Variants in TENM3 observed in about 807,000 individuals in gnomAD.
TENM3 encodes the protein teneurin transmembrane protein 3, also known as teneurin-3.
TENM3 carries 63 observed loss-of-function variants against 255.1 expected under a neutral mutation model. The observed-to-expected ratio is 0.25, with a 90% CI of 0.20 to 0.30. The LOEUF is 0.30. Ranked by LOEUF, TENM3 falls within the 10% of genes least tolerant of loss-of-function variation. The pLI, the probability that TENM3 is intolerant of heterozygous loss-of-function variation, is 1.00. For synonymous variants in TENM3, 1,306 were observed against 1,322.3 expected, an observed-to-expected ratio of 0.99 and a Z score of 0.27; for missense variants, 2,929 against 3,461.1, an observed-to-expected ratio of 0.85 and a Z score of 3.86.
chr4:182,783,461 C>A (rs1191081937), intron 24 of TENM3, among the ~76,000 whole-genome samples: 1 of 152,116 alleles, frequency 6.6e-6, no homozygotes, highest in Admixed American at 6.5e-5. Flanking sequence ...GAGGGTAACT[C>A]GACCTTTCTC....
chr4:182,602,135 T>TA (rs1270646149), intron 4 of TENM3, among the ~76,000 whole-genome samples: 12 of 152,258 alleles, frequency 7.9e-5, no homozygotes, highest in African/African-American at 2.7e-4. Flanking sequence ...TCCTTGTAAT[T>TA]ATGTATTGCA....
At chr4:181,627,425 T>A in the TENM3 span, among the ~76,000 whole-genome samples, 1 of 152,204 alleles carries the variant, frequency 6.6e-6, no homozygotes, top group South Asian at 2.1e-4. Context: ...CATGTTGCTG[T>A]GCTGCACACA....
intron 1 of TENM3, among the ~76,000 whole-genome samples, chr4:182,152,215 AC>A (rs1750399766): frequency 6.6e-6 from 1 of 151,862 alleles, no homozygotes; most frequent in Non-Finnish European, 1.5e-5. Context: ...GCTGAAGAGA[AC>A]CTCTGCCAGG....
At chr4:182,256,038 T>G (rs1758370350) in intron 1 of TENM3, among the ~76,000 whole-genome samples, 2 of 152,296 alleles carry the variant, frequency 1.3e-5, no homozygotes, top group South Asian at 4.1e-4. Flanking sequence ...TATTGCACAC[T>G]CTGGGACTCT....
the TENM3 span, among the ~76,000 whole-genome samples, chr4:182,025,916 G>A: frequency 2.6e-5 from 4 of 152,176 alleles, no homozygotes; most frequent in Admixed American, 2.6e-4. Flanking sequence ...ATGTCAGTTT[G>A]CTGCACCCAT....
chr4:181,983,854 A>C, the TENM3 span, among the ~76,000 whole-genome samples: 1 of 152,088 alleles, frequency 6.6e-6, no homozygotes, highest in Non-Finnish European at 1.5e-5. Flanking sequence ...AAAATCCCAA[A>C]TCTTTGTACT....
the TENM3 span, among the ~76,000 whole-genome samples, chr4:182,049,942 T>C: frequency 6.6e-6 from 1 of 152,046 alleles, no homozygotes; most frequent in East Asian, 1.9e-4. Context: ...GAAGAGAAAT[T>C]GAGTCCTTAA....
rs772575411 is a variant in TENM3 at position 182,773,619 on chromosome 4, G to T, written c.5040G>T (p.Ser1680=). ...TCAGCATCACTTCAAATCTGTCCTC[G>T]ATCGATTCTTTCTACACCATGGTTC... ...EDVSITSNLS[S]IDSFYTMVQD... Residue 1680 remains serine, a synonymous_variant, in exon 23 of 28, where the codon TCG becomes TCT. Coordinates refer to ENST00000511685, the MANE Select transcript of TENM3 (RefSeq NM_001080477.4). 6.2e-7 allele frequency: 1 copy of T among 1,613,040 alleles called. No individual in the cohort carries two copies. The highest frequency in any genetic ancestry group is 8.5e-7 in the Non-Finnish European group (1 of 1,179,520).
At chr4:182,281,437 G>T (rs1173368702) in intron 1 of TENM3, among the ~76,000 whole-genome samples, 2 of 152,120 alleles carry the variant, frequency 1.3e-5, no homozygotes, top group Non-Finnish European at 2.9e-5. Flanking sequence ...ACATTGAGAA[G>T]AAAACAATAC....
intron 13 of TENM3, among the ~76,000 whole-genome samples, chr4:182,727,460 A>AAAAAAAAAAG: frequency 6.6e-6 from 1 of 151,902 alleles, no homozygotes; most frequent in South Asian, 2.1e-4. Flanking sequence ...AGTCTCAAAA[A>AAAAAAAAAAG]AAAAGAAAGA....
At chr4:182,558,766 G>A (rs1052330764) in intron 3 of TENM3, among the ~76,000 whole-genome samples, 5 of 152,114 alleles carry the variant, frequency 3.3e-5, no homozygotes, top group African/African-American at 4.8e-5. Flanking sequence ...CCCTTGTCCT[G>A]ATTTGTCATT....
At chr4:182,730,748 GAA>G (rs1760628308) in intron 15 of TENM3, 128 bp from the exon 16 acceptor site, 1 of 1,027,606 alleles carries the variant, frequency 9.7e-7, no homozygotes, top group African/African-American at 1.6e-5. Context: ...CCATAGATCT[GAA>G]AATATTTCAT....
chr4:182,535,367 CAT>C (rs1740198732), intron 3 of TENM3, among the ~76,000 whole-genome samples: 1 of 152,156 alleles, frequency 6.6e-6, no homozygotes, highest in Non-Finnish European at 1.5e-5. Context: ...GTATTCTTCT[CAT>C]AGACTCTGAG....
chr4:182,616,430 A>C, intron 4 of TENM3, among the ~76,000 whole-genome samples: 1 of 149,154 alleles, frequency 6.7e-6, no homozygotes. Context: ...CTAGATGACG[A>C]GTTAGTGGGT....
the TENM3 span, among the ~76,000 whole-genome samples, chr4:181,594,114 TG>T: frequency 6.6e-6 from 1 of 152,098 alleles, no homozygotes; most frequent in Non-Finnish European, 1.5e-5. Flanking sequence ...AAGAACCATT[TG>T]ATTAATTGCT....
chr4:182,287,635 A>T (rs1239766629), intron 1 of TENM3, among the ~76,000 whole-genome samples: 1 of 151,348 alleles, frequency 6.6e-6, no homozygotes, highest in Non-Finnish European at 1.5e-5. Flanking sequence ...TTTTTTTGAG[A>T]CTGAGTCTCG....
chr4:182,593,774 C>T (rs1374330910), intron 3 of TENM3, among the ~76,000 whole-genome samples: 1 of 152,196 alleles, frequency 6.6e-6, no homozygotes, highest in African/African-American at 2.4e-5. Flanking sequence ...CGAGCACACA[C>T]ATACAAATGC....
rs187287681 is a variant in TENM3, at chr4:182,360,877, G to C, written c.511+13948G>C. ...GCTGGTACTAGTTGTTCCTTTCCATGTGTAGTGCTTCCTTCAGGAGCTCTT... is the reference window on the plus strand; with the variant it reads ...GCTGGTACTAGTTGTTCCTTTCCATCTGTAGTGCTTCCTTCAGGAGCTCTT... On this transcript the variant is annotated intron_variant, in intron 3 of 27. Transcript: ENST00000511685. Among the ~76,000 whole-genome samples, 3 of 152,284 alleles carry C rather than the reference G, an allele frequency of 2.0e-5. No homozygotes were observed. In the East Asian group the frequency reaches 5.8e-4, roughly 29 times the overall value.
intron 1 of TENM3, among the ~76,000 whole-genome samples, chr4:182,249,810 G>A (rs1052968254): frequency 1.3e-5 from 2 of 151,914 alleles, no homozygotes; most frequent in East Asian, 3.9e-4. Context: ...TGTCACCCAG[G>A]CTGGAGTGCA....
Sources: gnomAD v4.1 joint callset for allele counts (sites outside exome capture counted in the v4.1 genomes callset) on GRCh38, gnomAD v4.1.1 for gene constraint, MANE v1.5 for transcripts, NCBI Gene and HGNC (gene_info 2026-07-23, HGNC 2026-07-21) for gene names.